Variants in PRKCE observed in about 807,000 individuals in gnomAD.
The protein encoded by PRKCE is protein kinase C epsilon.
PRKCE carries 16 observed loss-of-function variants against 85.4 expected under a neutral mutation model. That is an observed-to-expected ratio of 0.19 (90% CI 0.13 to 0.28). The LOEUF (loss-of-function observed/expected upper bound fraction) is 0.28, where lower values mean the gene tolerates loss of function less well. Ranked by LOEUF, PRKCE falls within the 10% of genes least tolerant of loss-of-function variation. PRKCE has a pLI of 1.00. For synonymous variants in PRKCE, 388 were observed against 371.5 expected, an observed-to-expected ratio of 1.04 and a Z score of -0.51; for missense variants, 573 against 975.2, an observed-to-expected ratio of 0.59 and a Z score of 5.49.
chr2:46,012,647 G>A (rs759751815), intron 10 of PRKCE, among the ~76,000 whole-genome samples: 1 of 152,180 alleles, frequency 6.6e-6, no homozygotes, highest in Non-Finnish European at 1.5e-5. Flanking sequence ...TCCTAGGAGG[G>A]GTCCAGTTTA....
At position 46,087,613 on chromosome 2, in the gene PRKCE, C is replaced by T. The variant is rs1669768841; in HGVS notation, c.1592+1251C>T. Among the ~76,000 whole-genome samples the T allele has an allele frequency of 4.6e-5, 7 of 152,214 alleles. No individual in the cohort carries two copies. The South Asian group carries it at 1.0e-3, about 23-fold the overall frequency. On this transcript the variant is annotated intron_variant, in intron 11 of 14. Transcript: ENST00000306156. ...ATTCATGGCCCTCTGCCATGGGAAT[C>T]GACGCATTTGTTTTCTATTGCTGCA...
At chr2:46,039,045 T>C (rs1344895968) in intron 10 of PRKCE, among the ~76,000 whole-genome samples, 1 of 152,188 alleles carries the variant, frequency 6.6e-6, no homozygotes, top group Non-Finnish European at 1.5e-5. Context: ...AATACGGCTT[T>C]AATGGCTAAC....
chr2:45,906,268 C>T lies in PRKCE; in HGVS notation c.412+63205C>T, dbSNP rs149993966. 3.6e-4 allele frequency among the ~76,000 whole-genome samples: 55 copies of T among 152,342 alleles called. 2 individuals are homozygous for T. In the East Asian group the frequency reaches 0.011, roughly 29 times the overall value. ...GTGCTGAGTCCAGGAGGCTGCACTGCTCACAGGGCATAGGCAGCTCTGCTT... is the reference window on the plus strand; with the variant it reads ...GTGCTGAGTCCAGGAGGCTGCACTGTTCACAGGGCATAGGCAGCTCTGCTT... On this transcript the variant is annotated intron_variant, in intron 2 of 14. Transcript: ENST00000306156.
intron 11 of PRKCE, among the ~76,000 whole-genome samples, chr2:46,090,799 T>C (rs1327023646): frequency 6.6e-6 from 1 of 152,092 alleles, no homozygotes; most frequent in African/African-American, 2.4e-5. Context: ...GCTGTACATA[T>C]GTGTTTCTGC....
intron 10 of PRKCE, among the ~76,000 whole-genome samples, chr2:46,070,370 G>A (rs915006396): frequency 1.4e-4 from 22 of 152,204 alleles, no homozygotes; most frequent in East Asian, 9.6e-4. Context: ...ATGGCTGGGC[G>A]CGGTGGCGCA....
chr2:46,097,376 C>T (rs1483463408), intron 11 of PRKCE, among the ~76,000 whole-genome samples: 3 of 151,986 alleles, frequency 2.0e-5, no homozygotes, highest in South Asian at 2.1e-4. Flanking sequence ...AAAAATTAGC[C>T]GGGCGTGGTG....
At chr2:46,103,620 C>T (rs568068422) in intron 11 of PRKCE, among the ~76,000 whole-genome samples, 2 of 152,278 alleles carry the variant, frequency 1.3e-5, no homozygotes, top group Admixed American at 1.3e-4. Context: ...TCCCCCCAAA[C>T]TTAACTACTG....
At chr2:45,661,779 T>C (rs1472017043) in intron 1 of PRKCE, among the ~76,000 whole-genome samples, 5 of 151,714 alleles carry the variant, frequency 3.3e-5, no homozygotes, top group African/African-American at 7.3e-5. Flanking sequence ...CACCTCATGA[T>C]CCACCCGCCT....
chr2:46,119,977 A>G (rs1415927925), intron 11 of PRKCE, among the ~76,000 whole-genome samples: 1 of 151,772 alleles, frequency 6.6e-6, no homozygotes, highest in Non-Finnish European at 1.5e-5. Context: ...TGTAGCTGGG[A>G]GGCTCCTTGG....
chr2:45,857,402 G>T (rs941971980), intron 2 of PRKCE, among the ~76,000 whole-genome samples: 3 of 152,160 alleles, frequency 2.0e-5, no homozygotes, highest in Admixed American at 2.0e-4. Context: ...AAATGTTCAC[G>T]TGATCATCTG....
intron 1 of PRKCE, among the ~76,000 whole-genome samples, chr2:45,819,103 C>T (rs894258821): frequency 4.6e-5 from 7 of 152,130 alleles, no homozygotes; most frequent in African/African-American, 1.2e-4. Context: ...TATTAATAAC[C>T]AGGGAGATGC....
chr2:46,148,252 A>G (rs1392410968), intron 12 of PRKCE, among the ~76,000 whole-genome samples: 1 of 152,206 alleles, frequency 6.6e-6, no homozygotes, highest in African/African-American at 2.4e-5. Flanking sequence ...GACGCACTTG[A>G]GGGGTTGGCT....
At position 46,004,374 on chromosome 2, in the gene PRKCE, C is replaced by T. The variant is rs1005225090; in HGVS notation, c.967-168C>T. On this transcript the variant is annotated intron_variant, in intron 7 of 14. Transcript: ENST00000306156. The surrounding 1 kb of genome is among the most constrained non-coding windows in gnomAD (Gnocchi z 4.1). ...GGTCAGACGTCACAGAGGGATCGAA[C>T]TTCATTTTGGCTACTTTGGCGATGG... 2.0e-5 allele frequency: 12 copies of T among 604,984 alleles called. No individual in the cohort carries two copies. The highest frequency in any genetic ancestry group is 3.5e-5 in the Non-Finnish European group (12 of 339,430). The allele number at this position is 604,984 out of a possible 1,614,324, so 37.5% of individuals were successfully genotyped here. A position where few individuals can be genotyped will look rare whatever the true frequency, so the allele number is the denominator to read the frequency against.
intron 1 of PRKCE, among the ~76,000 whole-genome samples, chr2:45,712,137 CTTT>C (rs34233761): frequency 2.2e-5 from 1 of 45,838 alleles, no homozygotes; most frequent in Non-Finnish European, 3.7e-5. Context: ...ACGGCCTGTC[CTTT>C]TTTTTTTTTT....
intron 10 of PRKCE, among the ~76,000 whole-genome samples, chr2:46,018,783 A>G (rs1436793731): frequency 6.6e-6 from 1 of 152,238 alleles, no homozygotes; most frequent in African/African-American, 2.4e-5. Context: ...TCACTTAGTA[A>G]TATAGTAGAG....
chr2:45,867,885 G>T (rs1324775140), intron 2 of PRKCE, among the ~76,000 whole-genome samples: 1 of 152,140 alleles, frequency 6.6e-6, no homozygotes, highest in Non-Finnish European at 1.5e-5. Context: ...CATCACTTCT[G>T]CAGGACAGCC....
intron 2 of PRKCE, among the ~76,000 whole-genome samples, chr2:45,933,262 T>C (rs1368080925): frequency 2.0e-5 from 3 of 152,324 alleles, no homozygotes; most frequent in African/African-American, 7.2e-5. Flanking sequence ...CCTTCTTGTC[T>C]GTGGCTTACC....
At position 46,068,826 on chromosome 2, in the gene PRKCE, G is replaced by C. The variant is rs937066221; in HGVS notation, c.1438-17382G>C. ...ATATTAAAAGAGATCAGCTCAAGTAGGGACTTGTGAGATACCAGATTGAAA... is the reference window on the plus strand; with the variant it reads ...ATATTAAAAGAGATCAGCTCAAGTACGGACTTGTGAGATACCAGATTGAAA... On this transcript the variant is annotated intron_variant, in intron 10 of 14. Transcript: ENST00000306156. The surrounding 1 kb of genome is among the most constrained non-coding windows in gnomAD (Gnocchi z 4.3). Among the ~76,000 whole-genome samples the C allele has an allele frequency of 6.6e-6, 1 of 152,190 alleles. No homozygotes were observed. The highest frequency in any genetic ancestry group is 2.4e-5 in the African/African-American group (1 of 41,444).
At chr2:45,768,513 A>T (rs1266978667) in intron 1 of PRKCE, among the ~76,000 whole-genome samples, 1 of 152,152 alleles carries the variant, frequency 6.6e-6, no homozygotes, top group Non-Finnish European at 1.5e-5. Flanking sequence ...TAAAAACTTA[A>T]GTCTCTGATA....
Sources: gnomAD v4.1 joint callset for allele counts (sites outside exome capture counted in the v4.1 genomes callset) on GRCh38, gnomAD v4.1.1 for gene constraint, Gnocchi (gnomAD v3.1) non-coding constraint, MANE v1.5 for transcripts, NCBI Gene and HGNC (gene_info 2026-07-23, HGNC 2026-07-21) for gene names.